The following RBFOX1 variants were observed in gnomAD, a reference collection of about 807,000 sequenced individuals.
RBFOX1 encodes the protein RNA binding protein fox-1 homolog 1.
RBFOX1 carries 8 observed loss-of-function variants against 57.7 expected under a neutral mutation model. The ratio of observed to expected loss-of-function variants is 0.14; its 90% CI spans 0.08 to 0.25. The LOEUF (loss-of-function observed/expected upper bound fraction) is 0.25, where lower values mean the gene tolerates loss of function less well. RBFOX1 is among the 10% of genes least tolerant of loss of function. The pLI is 1.00. For missense variants in RBFOX1, 611 were observed against 548.5 expected (o/e 1.11, Z -1.14); for synonymous variants, 326 against 222.4 (o/e 1.47, Z -4.15).
intron 3 of RBFOX1, among the ~76,000 whole-genome samples, chr16:5,835,339 A>C (rs1348479122): frequency 1.3e-5 from 2 of 152,242 alleles, no homozygotes; most frequent in Non-Finnish European, 2.9e-5. Context: ...AACTAAGCAC[A>C]GCATTGCAGA....
At chr16:5,537,448 A>G (rs1472746457) in intron 2 of RBFOX1, among the ~76,000 whole-genome samples, 7 of 152,254 alleles carry the variant, frequency 4.6e-5, no homozygotes, top group Non-Finnish European at 2.9e-5. Context: ...TGTAGGCCAG[A>G]CATCTGGCAT....
chr16:7,460,312 C>T (rs1029551191), intron 4 of RBFOX1, among the ~76,000 whole-genome samples: 50 of 148,004 alleles, frequency 3.4e-4, no homozygotes, highest in Admixed American at 3.0e-3. Context: ...GTATCTCTTC[C>T]ACAGACTTCT....
Position 6,560,474 on chromosome 16 carries a change from A to G in RBFOX1, c.-63-94129A>G, listed in dbSNP as rs537310226. Among the ~76,000 whole-genome samples, 29 of 152,256 alleles carry G rather than the reference A, an allele frequency of 1.9e-4. No individual in the cohort carries two copies. The South Asian group carries it at 6.0e-3, about 32-fold the overall frequency. ...GCATTCCAGGCAGTGAAAACAGTCA[A>G]AGCAAAAGATCTAAGGCTTGAGAGT... On this transcript the variant is annotated intron_variant, in intron 2 of 15. Transcript: ENST00000550418.
At chr16:6,784,247 C>G (rs1033396675) in intron 3 of RBFOX1, among the ~76,000 whole-genome samples, 2 of 152,164 alleles carry the variant, frequency 1.3e-5, no homozygotes, top group Non-Finnish European at 2.9e-5. Flanking sequence ...GCCAGTGACT[C>G]TTAGATTTGC....
At chr16:5,904,732 C>T (rs1231655159) in intron 4 of RBFOX1, among the ~76,000 whole-genome samples, 1 of 151,860 alleles carries the variant, frequency 6.6e-6, no homozygotes, top group Admixed American at 6.6e-5. Flanking sequence ...AATCCCAGCA[C>T]TTTGGGAGGC....
chr16:7,560,544 AAAG>A (rs1388727513), intron 5 of RBFOX1, among the ~76,000 whole-genome samples: 2 of 151,932 alleles, frequency 1.3e-5, no homozygotes, highest in East Asian at 1.9e-4. Flanking sequence ...AAAAAAAAAA[AAAG>A]CAAAAATTGT....
At chr16:7,575,002 G>T (rs1358073199) in intron 5 of RBFOX1, among the ~76,000 whole-genome samples, 2 of 149,948 alleles carry the variant, frequency 1.3e-5, no homozygotes, top group African/African-American at 4.9e-5. Context: ...AGAGGGAATG[G>T]TGACCTCCAA....
intron 4 of RBFOX1, among the ~76,000 whole-genome samples, chr16:7,426,515 G>C (rs2098614967): frequency 6.6e-6 from 1 of 152,182 alleles, no homozygotes; most frequent in Admixed American, 6.5e-5. Flanking sequence ...TGACTCTCCA[G>C]CATGCAGCTA....
intron 2 of RBFOX1, among the ~76,000 whole-genome samples, chr16:6,505,055 A>C (rs894777856): frequency 6.6e-6 from 1 of 152,180 alleles, no homozygotes. Flanking sequence ...CTTGGGCAAC[A>C]GAGTGACACT....
At chr16:6,877,413 T>C (rs1382169752) in intron 3 of RBFOX1, among the ~76,000 whole-genome samples, 1 of 152,166 alleles carries the variant, frequency 6.6e-6, no homozygotes, top group Admixed American at 6.5e-5. Flanking sequence ...ATGGACTGCA[T>C]TATTAAATCA....
chr16:5,898,525 G>GC (rs2058223022), intron 4 of RBFOX1, among the ~76,000 whole-genome samples: 1 of 144,222 alleles, frequency 6.9e-6, no homozygotes, highest in East Asian at 2.0e-4. Context: ...CAGTAGCAGG[G>GC]TTTTTTTTTT....
chr16:6,940,287 G>A (rs1465698601), intron 3 of RBFOX1, among the ~76,000 whole-genome samples: 1 of 152,180 alleles, frequency 6.6e-6, no homozygotes, highest in Non-Finnish European at 1.5e-5. Flanking sequence ...TGCCCATATA[G>A]GAAGGGGCTG....
chr16:7,354,031 G>T (rs931818852), intron 4 of RBFOX1, among the ~76,000 whole-genome samples: 3 of 152,104 alleles, frequency 2.0e-5, no homozygotes, highest in African/African-American at 7.2e-5. Flanking sequence ...GAGTGCAGTG[G>T]CATGATCTGG....
At chr16:7,125,631 C>G (rs974771031) in intron 4 of RBFOX1, among the ~76,000 whole-genome samples, 1 of 152,006 alleles carries the variant, frequency 6.6e-6, no homozygotes, top group Non-Finnish European at 1.5e-5. Context: ...AGATGGATAT[C>G]GTTAACTCTA....
chr16:6,953,631 C>G (rs1041032915), intron 3 of RBFOX1, among the ~76,000 whole-genome samples: 2 of 152,194 alleles, frequency 1.3e-5, no homozygotes, highest in African/African-American at 4.8e-5. Flanking sequence ...AAGTGATCCA[C>G]TCATCTCGGC....
intron 3 of RBFOX1, among the ~76,000 whole-genome samples, chr16:6,834,815 C>A (rs901409946): frequency 4.6e-5 from 7 of 152,072 alleles, no homozygotes; most frequent in East Asian, 3.9e-4. Flanking sequence ...CTTTTTCTCC[C>A]CAATGTGTTT....
At chr16:6,049,087 C>T (rs1047225755) in intron 1 of RBFOX1, among the ~76,000 whole-genome samples, 1 of 124,350 alleles carries the variant, frequency 8.0e-6, no homozygotes, top group Non-Finnish European at 1.6e-5. Context: ...TTTTTTGAGA[C>T]AGTCTCACTC....
chr16:7,058,005 GGAAAAA>G (rs2052965526), intron 4 of RBFOX1, among the ~76,000 whole-genome samples: 1 of 121,618 alleles, frequency 8.2e-6, no homozygotes, highest in Non-Finnish European at 1.7e-5. Context: ...GAGACTGTGG[GGAAAAA>G]AAAAAAAAAA....
chr16:6,315,103 T>A (rs4786096), intron 1 of RBFOX1, among the ~76,000 whole-genome samples: 267 of 152,222 alleles, frequency 1.8e-3, no homozygotes, highest in Admixed American at 3.3e-3. Context: ...ACAATGCTAC[T>A]TGTTTTACAA....
Sources: allele counts gnomAD v4.1 joint callset (sites outside exome capture counted in the v4.1 genomes callset), GRCh38; gene constraint gnomAD v4.1.1; transcripts MANE v1.5; gene names NCBI Gene and HGNC (gene_info 2026-07-23, HGNC 2026-07-21).